The following ZNF630 variants were observed in gnomAD, a reference collection of about 807,000 sequenced individuals.
ZNF630 encodes dJ54B20.2 (novel KRAB box containing C2H2 type zinc finger protein).
ZNF630 carries 5 observed loss-of-function variants against 7.2 expected under a neutral mutation model. That is an observed-to-expected ratio of 0.70 (90% confidence interval 0.36 to 1.46). The LOEUF (loss-of-function observed/expected upper bound fraction) is 1.46. Among genes scored for constraint, ZNF630 ranks in the 40% most tolerant of loss-of-function variants. The pLI is 0.03. For synonymous variants in ZNF630, 158 were observed against 162.8 expected, an observed-to-expected ratio of 0.97 and a Z score of 0.23; for missense variants, 461 against 477.0, an observed-to-expected ratio of 0.97 and a Z score of 0.31.
chrX:48,060,795 G>T, intron 3 of ZNF630, 24 bp downstream of exon 3: 2 of 1,173,701 alleles, frequency 1.7e-6, no homozygotes, highest in Non-Finnish European at 2.3e-6. Context: ...TTGATTCATT[G>T]GTACACAGGG....
In ZNF630 at chrX:48,057,779, G is replaced by C. The variant is rs1194910241; in HGVS notation, c.*689C>G. Among the ~76,000 whole-genome samples the C allele has an allele frequency of 1.2e-4, 13 of 111,246 alleles. No homozygotes were observed. Among genetic ancestry groups the C allele is most frequent in the Admixed American group, 1.1e-3 (12 of 10,440 alleles). On this transcript the variant is annotated 3_prime_UTR_variant, in exon 5 of 5. Transcript: ENST00000276054. ...TCAATCTAAATGCATATATAGGTCAGGTGCTGTGGCTCATGCCTGTAATCC... is the reference window on the plus strand; with the variant it reads ...TCAATCTAAATGCATATATAGGTCACGTGCTGTGGCTCATGCCTGTAATCC...
intron 4 of ZNF630, 31 bp from the exon 5 acceptor site, chrX:48,060,234 TACACAC>T (rs56253151): frequency 0.018 from 9,912 of 561,739 alleles, 96 homozygotes; most frequent in Non-Finnish European, 0.02. Flanking sequence ...GAAAATCAAA[TACACAC>T]ACACACACAC....
intron 2 of ZNF630, chrX:48,066,288 A>G (rs2059130863): frequency 9.4e-6 from 1 of 105,890 alleles, no homozygotes; most frequent in Non-Finnish European, 1.9e-5. Flanking sequence ...TATATTGTTT[A>G]CATTCTTTGC....
intron 2 of ZNF630, chrX:48,061,687 A>G (rs782514949): frequency 3.1e-5 from 9 of 287,869 alleles, no homozygotes; most frequent in South Asian, 2.3e-4. Context: ...TGCTGTTCTC[A>G]TAATAGTGAG....
intron 1 of ZNF630, among the ~76,000 whole-genome samples, chrX:48,070,335 G>A (rs1000727379): frequency 5.6e-5 from 6 of 108,101 alleles, no homozygotes; most frequent in African/African-American, 2.0e-4. Context: ...TCCTGGCCGG[G>A]CACGGTGGCT....
At chrX:48,068,157 G>A (rs1447149497) in intron 1 of ZNF630, among the ~76,000 whole-genome samples, 17 of 88,520 alleles carry the variant, frequency 1.9e-4, no homozygotes, top group Admixed American at 5.3e-4. Flanking sequence ...GGAAGGGAGG[G>A]AGGGAGGAAG....
Position 48,060,812 on chromosome X carries a change from C to T in ZNF630, c.142+7G>A. ...GATTCATTGGTACACAGGGAATCTG[C>T]CCTTACCCACGGAGACCAGGTGATT... On this transcript the variant is annotated splice_region_variant and intron_variant, in intron 3 of 4. Transcript: ENST00000276054. The T allele has an allele frequency of 2.5e-6, 3 of 1,190,400 alleles. No homozygotes were observed. Among genetic ancestry groups the T allele is most frequent in the Non-Finnish European group, 3.4e-6 (3 of 882,473 alleles).
chrX:48,060,737 T>C (rs2059101404), intron 3 of ZNF630, 82 bp downstream of exon 3: 2 of 1,030,808 alleles, frequency 1.9e-6, no homozygotes, highest in African/African-American at 1.9e-5. Context: ...TAAAGGAATA[T>C]CATAAAGGTC....
intron 2 of ZNF630, among the ~76,000 whole-genome samples, chrX:48,065,721 A>G (rs2059128162): frequency 9.0e-6 from 1 of 111,132 alleles, no homozygotes; most frequent in African/African-American, 3.3e-5. Context: ...TAGTACCAAT[A>G]TTACCCAAAT....
Position 48,071,412 on chromosome X carries a change from C to T in ZNF630, c.-321G>A, listed in dbSNP as rs1331804726. On this transcript the variant is annotated 5_prime_UTR_variant, in exon 1 of 5. In the 5' UTR this introduces an upstream ATG that the reference lacks. Coordinates refer to ENST00000276054, the MANE Select transcript of ZNF630 (RefSeq NM_001282201.2). ...TCTTTCGGTGGCTCCGAAACAGCCA[C>T]GAAGCCGAGCTCTACCAGTAACAAA... is the stretch of plus-strand genomic sequence containing the variant. The T allele has an allele frequency of 9.0e-6, 1 of 111,035 alleles. No homozygotes were observed. Among genetic ancestry groups the T allele is most frequent in the Non-Finnish European group, 1.9e-5 (1 of 52,896 alleles). 9.2% of individuals were successfully genotyped at this position (111,035 alleles called of 1,213,427 possible).
chrX:48,060,933 A>G lies in ZNF630; in HGVS notation c.28T>C (p.Phe10Leu), dbSNP rs1273632443. 3 of 1,200,102 alleles carry G rather than the reference A, an allele frequency of 2.5e-6. No individual in the cohort carries two copies. The highest frequency in any genetic ancestry group is 3.4e-6 in the Non-Finnish European group (3 of 889,122). Reference sequence around the variant, plus strand: ...GTGAAGTCCACAGCCACATCCTCAAATGTCACTGGTTCCTATAACAGCACA... The same window carrying G: ...GTGAAGTCCACAGCCACATCCTCAAGTGTCACTGGTTCCTATAACAGCACA... The part of the protein sequence containing the change: MIESQEPVT[F>L]EDVAVDFTQE... The change falls in exon 3 of 5, where the codon TTT becomes CTT. Residue 10 changes from phenylalanine to leucine, a missense_variant. Physicochemically the swap from Phe to Leu is conservative, Grantham distance 22. Coordinates refer to ENST00000276054, the MANE Select transcript of ZNF630 (RefSeq NM_001282201.2).
intron 1 of ZNF630, among the ~76,000 whole-genome samples, chrX:48,069,841 GTT>G (rs1210374790): frequency 4.9e-5 from 2 of 41,131 alleles, no homozygotes; most frequent in African/African-American, 1.2e-4. Context: ...GACATTGTCT[GTT>G]TTTTTTTTTT....
chrX:48,062,673 G>A (rs147915904), intron 2 of ZNF630, among the ~76,000 whole-genome samples: 1,553 of 111,641 alleles, frequency 0.014, 33 homozygotes, highest in African/African-American at 0.049. Flanking sequence ...GGCGGAGGAT[G>A]CAGTGAGCCG....
Position 48,071,613 on chromosome X carries a change from G to A in ZNF630, c.-522C>T, listed in dbSNP as rs1249018248. 2.7e-5 allele frequency: 3 copies of A among 111,154 alleles called. No individual in the cohort carries two copies. The highest frequency in any genetic ancestry group is 5.7e-5 in the Non-Finnish European group (3 of 52,946). The allele number at this position is 111,154 out of a possible 1,213,427, so 9.2% of individuals were successfully genotyped here. ...TCCTACGAAAGCAGTGTGAGGCTTGGAAGGGCCGCGACTTGTCCGGGTGAG... is the reference window on the plus strand; with the variant it reads ...TCCTACGAAAGCAGTGTGAGGCTTGAAAGGGCCGCGACTTGTCCGGGTGAG... On this transcript the variant is annotated 5_prime_UTR_variant, in exon 1 of 5. Transcript: ENST00000276054.
chrX:48,060,234 T>TAC lies in ZNF630; in HGVS notation c.239-33_239-32dup, dbSNP rs56253151. 5.2e-4 allele frequency: 293 copies of TAC among 567,388 alleles called. 3 individuals are homozygous for TAC. In the African/African-American group the frequency reaches 7.0e-3, roughly 13 times the overall value. 46.8% of individuals were successfully genotyped at this position (567,388 alleles called of 1,213,427 possible). A position where few individuals can be genotyped will look rare whatever the true frequency, so the allele number is the denominator to read the frequency against. On this transcript the variant is annotated intron_variant, in intron 4 of 4. Coordinates refer to ENST00000276054, the MANE Select transcript of ZNF630 (RefSeq NM_001282201.2). Reference sequence around the variant, plus strand: ...GGAAGAAGAAAGAGGGAAAATCAAATACACACACACACACACACACACACA... The same window carrying TAC: ...GGAAGAAGAAAGAGGGAAAATCAAATACACACACACACACACACACACACACA...
At chrX:48,065,683 C>CA (rs200722854) in intron 2 of ZNF630, among the ~76,000 whole-genome samples, 7,026 of 88,240 alleles carry the variant, frequency 0.08, 287 homozygotes, top group African/African-American at 0.15. Flanking sequence ...AACTCCATCT[C>CA]AAAAAAAAAA....
At chrX:48,066,819 T>C in intron 2 of ZNF630, 53 bp downstream of exon 2, 3 of 1,187,927 alleles carry the variant, frequency 2.5e-6, no homozygotes, top group Non-Finnish European at 3.4e-6. Context: ...TTTCAACTAA[T>C]TGCCCTTTCT....
rs782125091 is a variant in ZNF630 at position 48,057,709 on chromosome X, CAA to C, written c.*757_*758del. On this transcript the variant is annotated 3_prime_UTR_variant, in exon 5 of 5. Coordinates refer to ENST00000276054, the MANE Select transcript of ZNF630 (RefSeq NM_001282201.2). The stretch of plus-strand genomic sequence containing the variant: ...GGAAATACATGATTTTTAAAAATTA[CAA>C]AGAGTCCATATTTCTACATCTATAT... Among the ~76,000 whole-genome samples the C allele has an allele frequency of 9.0e-6, 1 of 110,920 alleles. No individual in the cohort carries two copies. Among genetic ancestry groups the C allele is most frequent in the East Asian group, 2.8e-4 (1 of 3,546 alleles).
At chrX:48,062,729 G>A (rs1390069984) in intron 2 of ZNF630, among the ~76,000 whole-genome samples, 5 of 109,753 alleles carry the variant, frequency 4.6e-5, no homozygotes, top group Non-Finnish European at 9.5e-5. Context: ...CTGAGACTCT[G>A]TCTCAAAAAC....
Sources: allele counts gnomAD v4.1 joint callset (sites outside exome capture counted in the v4.1 genomes callset), GRCh38; gene constraint gnomAD v4.1.1; transcripts MANE v1.5; gene names NCBI Gene and HGNC (gene_info 2026-07-23, HGNC 2026-07-21).